Variants in RBFOX1 observed in about 807,000 individuals in gnomAD.
The protein encoded by RBFOX1 is RNA binding fox-1 homolog 1.
A neutral mutation model predicts 57.7 loss-of-function variants in RBFOX1; 8 were observed. The observed-to-expected ratio is 0.14, with a 90% CI of 0.08 to 0.25. RBFOX1 has a LOEUF of 0.25. Among genes scored for constraint, RBFOX1 ranks in the 10% least tolerant of loss-of-function variants. RBFOX1 has a pLI of 1.00. For synonymous variants in RBFOX1, 326 were observed against 222.4 expected (o/e 1.47, Z -4.15); for missense variants, 611 against 548.5 (o/e 1.11, Z -1.14).
chr16:7,632,024 C>G (rs2061048541), intron 11 of RBFOX1, among the ~76,000 whole-genome samples: 2 of 152,146 alleles, frequency 1.3e-5, no homozygotes, highest in African/African-American at 4.8e-5. Context: ...ATTCTCATGA[C>G]TCAGCCTCCC....
At chr16:5,719,280 C>A (rs961089875) in intron 3 of RBFOX1, among the ~76,000 whole-genome samples, 17 of 149,376 alleles carry the variant, frequency 1.1e-4, no homozygotes, top group Non-Finnish European at 1.6e-4. Flanking sequence ...CGGCTCACTG[C>A]AAGCTCCGCC....
chr16:6,324,674 C>T (rs1418301659), intron 2 of RBFOX1, among the ~76,000 whole-genome samples: 5 of 152,196 alleles, frequency 3.3e-5, no homozygotes, highest in Non-Finnish European at 5.9e-5. Flanking sequence ...CCACCTGGCT[C>T]ACTTCTGACG....
chr16:7,241,962 T>G (rs79712595), intron 4 of RBFOX1, among the ~76,000 whole-genome samples: 1,783 of 152,276 alleles, frequency 0.012, 21 homozygotes, highest in South Asian at 0.021. Flanking sequence ...TGTGTATATA[T>G]TTAAGGGTTT....
At chr16:5,280,885 C>G (rs1261365190) in intron 1 of RBFOX1, among the ~76,000 whole-genome samples, 1 of 151,386 alleles carries the variant, frequency 6.6e-6, no homozygotes, top group African/African-American at 2.4e-5. Flanking sequence ...TTTCAAAAAA[C>G]CAACTTTTAT....
intron 1 of RBFOX1, among the ~76,000 whole-genome samples, chr16:6,116,171 A>G (rs908022496): frequency 3.9e-5 from 6 of 152,094 alleles, no homozygotes. Context: ...ACACAGGAAC[A>G]GAAAACCGAA....
chr16:5,612,138 C>T (rs988566232), intron 3 of RBFOX1, among the ~76,000 whole-genome samples: 3 of 151,634 alleles, frequency 2.0e-5, no homozygotes, highest in Non-Finnish European at 4.4e-5. Context: ...CATAATTCCT[C>T]CCATCCATAC....
intron 3 of RBFOX1, among the ~76,000 whole-genome samples, chr16:6,942,047 G>T (rs1436727437): frequency 6.6e-6 from 1 of 152,034 alleles, no homozygotes; most frequent in Non-Finnish European, 1.5e-5. Flanking sequence ...TGGCCAAAAT[G>T]GTGAAACCCC....
At chr16:5,507,199 C>T (rs570420167) in intron 2 of RBFOX1, among the ~76,000 whole-genome samples, 6 of 152,030 alleles carry the variant, frequency 3.9e-5, no homozygotes, top group Non-Finnish European at 8.8e-5. Context: ...TGCCTGGCAC[C>T]GAATAAGCAA....
chr16:7,062,159 C>G (rs1598440451), intron 4 of RBFOX1, among the ~76,000 whole-genome samples: 1 of 151,230 alleles, frequency 6.6e-6, no homozygotes, highest in East Asian at 2.0e-4. Flanking sequence ...CTACTAAAAA[C>G]ACACAAAAAA....
intron 3 of RBFOX1, among the ~76,000 whole-genome samples, chr16:6,898,833 ATGTG>A (rs960594432): frequency 1.2e-4 from 18 of 150,844 alleles, no homozygotes; most frequent in African/African-American, 4.2e-4. Flanking sequence ...ACATGTGTGT[ATGTG>A]TGTGCATGTG....
intron 1 of RBFOX1, among the ~76,000 whole-genome samples, chr16:5,391,790 A>G (rs926434756): frequency 2.0e-5 from 3 of 151,544 alleles, no homozygotes; most frequent in African/African-American, 4.8e-5. Context: ...CCATCAATTA[A>G]TGAGTGGATA....
At position 6,543,650 on chromosome 16, in the gene RBFOX1, T is replaced by C. The variant is rs575193442; in HGVS notation, c.-63-110953T>C. On this transcript the variant is annotated intron_variant, in intron 2 of 15. Transcript: ENST00000550418. ...CCCGGTCTGGAAGATTTTTGCCTGG[T>C]TGGAAAGAGGCACCTTGGCAGGGGA... Among the ~76,000 whole-genome samples, 104 of 152,256 alleles carry C rather than the reference T, an allele frequency of 6.8e-4. 1 individual carries two copies. Among genetic ancestry groups the C allele is most frequent in the African/African-American group, 1.9e-3 (81 of 41,554 alleles).
At chr16:6,955,104 G>C (rs992838582) in intron 3 of RBFOX1, among the ~76,000 whole-genome samples, 4 of 151,580 alleles carry the variant, frequency 2.6e-5, no homozygotes, top group Non-Finnish European at 4.4e-5. Flanking sequence ...AGCTGGGCAT[G>C]GTGGATTATG....
intron 4 of RBFOX1, among the ~76,000 whole-genome samples, chr16:5,885,310 C>A (rs1175264618): frequency 6.7e-6 from 1 of 149,416 alleles, no homozygotes; most frequent in Non-Finnish European, 1.5e-5. Context: ...CGTTAGACTC[C>A]TGGAGGCTTA....
intron 1 of RBFOX1, among the ~76,000 whole-genome samples, chr16:6,133,554 C>T (rs1567531634): frequency 6.6e-6 from 1 of 152,212 alleles, no homozygotes; most frequent in Non-Finnish European, 1.5e-5. Context: ...TACCCCTCCC[C>T]ATTAGTTCTT....
chr16:7,560,737 G>C (rs568832673), intron 5 of RBFOX1, among the ~76,000 whole-genome samples: 50 of 152,114 alleles, frequency 3.3e-4, no homozygotes, highest in African/African-American at 1.1e-3. Context: ...CTTCTCATTG[G>C]AGCCACAAAT....
intron 3 of RBFOX1, among the ~76,000 whole-genome samples, chr16:6,891,005 C>T (rs560825700): frequency 6.6e-6 from 1 of 152,280 alleles, no homozygotes; most frequent in Non-Finnish European, 1.5e-5. Flanking sequence ...GACCCTTCAA[C>T]ACTGTGAACG....
intron 2 of RBFOX1, among the ~76,000 whole-genome samples, chr16:6,565,967 C>T (rs1018012016): frequency 6.6e-5 from 10 of 152,158 alleles, no homozygotes; most frequent in Non-Finnish European, 1.3e-4. Context: ...CTCTGTTCAT[C>T]CTGCACTGGC....
intron 1 of RBFOX1, among the ~76,000 whole-genome samples, chr16:5,256,178 A>T (rs2062586740): frequency 6.6e-6 from 1 of 152,180 alleles, no homozygotes; most frequent in African/African-American, 2.4e-5. Flanking sequence ...AGACTCAGAA[A>T]AAAGTTCCCC....
Sources: allele counts gnomAD v4.1 joint callset (sites outside exome capture counted in the v4.1 genomes callset), GRCh38; gene constraint gnomAD v4.1.1; transcripts MANE v1.5; gene names NCBI Gene and HGNC (gene_info 2026-07-23, HGNC 2026-07-21).